ZNF221: variants seen among roughly 807,000 people sequenced by gnomAD.
ZNF221 encodes the protein zinc finger protein 221.
ZNF221 carries 10 observed loss-of-function variants against 12.6 expected under a neutral mutation model. The observed-to-expected ratio is 0.79, with a 90% CI of 0.49 to 1.34. The LOEUF (loss-of-function observed/expected upper bound fraction) is 1.34. Among genes scored for constraint, ZNF221 ranks in the 40% most tolerant of loss-of-function variants. The pLI is 0.00. For missense variants in ZNF221, 661 were observed against 721.4 expected, an observed-to-expected ratio of 0.92 and a Z score of 0.96; for synonymous variants, 232 against 244.0, an observed-to-expected ratio of 0.95 and a Z score of 0.46.
intron 1 of ZNF221, among the ~76,000 whole-genome samples, chr19:43,956,262 C>T (rs964938898): frequency 6.6e-6 from 1 of 152,180 alleles, no homozygotes; most frequent in African/African-American, 2.4e-5. Flanking sequence ...GCATGTCCAA[C>T]TAATATTGCT....
chr19:43,959,711 G>A (rs1400602056), intron 1 of ZNF221, among the ~76,000 whole-genome samples: 1 of 152,192 alleles, frequency 6.6e-6, no homozygotes, highest in Non-Finnish European at 1.5e-5. Flanking sequence ...ACCAGAAGCT[G>A]AGCACATGCC....
rs531517472 is a variant in ZNF221 at position 43,966,638 on chromosome 19, G to T, written c.1136G>T (p.Arg379Leu). The stretch of plus-strand genomic sequence containing the variant: ...TGTGGAAAAGGCTTCATTTGTAGGC[G>T]AGATTTTTGTAAGCATCAGATGGTC... Reference protein sequence around the residue: ...EQCGKGFICRRDFCKHQMVHT... With the variant: ...EQCGKGFICRLDFCKHQMVHT... Residue 379 changes from arginine (R) to leucine (L), a missense_variant, in exon 5 of 5, where the codon CGA (arginine) becomes CTA (leucine). Coordinates refer to ENST00000587682, the MANE Select transcript of ZNF221 (RefSeq NM_001297588.2). The T allele has an allele frequency of 6.2e-7, 1 of 1,613,408 alleles. No individual in the cohort carries two copies. The highest frequency in any genetic ancestry group is 1.3e-5 in the African/African-American group (1 of 74,720).
chr19:43,978,940 T>TGG, the ZNF221 span, among the ~76,000 whole-genome samples: 1 of 130,994 alleles, frequency 7.6e-6, no homozygotes, highest in Admixed American at 7.5e-5. Flanking sequence ...TGTGTTTTTT[T>TGG]TTTTTTTTTT....
At chr19:43,971,130 C>A (rs1599824742), downstream of ZNF221, among the ~76,000 whole-genome samples, 3 of 151,968 alleles carry the variant, frequency 2.0e-5, no homozygotes, top group Admixed American at 2.0e-4. Context: ...TTAAAGAATT[C>A]TTTGCCAGAA....
chr19:43,976,020 A>T, the ZNF221 span, among the ~76,000 whole-genome samples: 1 of 152,130 alleles, frequency 6.6e-6, no homozygotes, highest in Non-Finnish European at 1.5e-5. Flanking sequence ...AGTTTTTTCA[A>T]CAATTTTAAG....
At chr19:43,951,440 C>G (rs1414307737) in intron 1 of ZNF221, 40 bp downstream of exon 1, 1 of 152,270 alleles carries the variant, frequency 6.6e-6, no homozygotes, top group African/African-American at 2.4e-5. Context: ...ATCCCCGCGG[C>G]AGAGCCTTCT....
At chr19:43,980,493 C>T in the ZNF221 span, among the ~76,000 whole-genome samples, 13 of 152,164 alleles carry the variant, frequency 8.5e-5, no homozygotes, top group Non-Finnish European at 1.5e-4. Flanking sequence ...ATCTTGGCAA[C>T]GACTAACTCC....
At chr19:43,955,216 C>T (rs1321845377) in intron 1 of ZNF221, among the ~76,000 whole-genome samples, 1 of 151,916 alleles carries the variant, frequency 6.6e-6, no homozygotes, top group African/African-American at 2.4e-5. Context: ...CTGTAGCCTC[C>T]CAGGGCTACC....
chr19:43,964,624 GCAA>G (rs72001524), intron 2 of ZNF221, among the ~76,000 whole-genome samples: 144,324 of 152,128 alleles, frequency 0.95, 68,924 homozygotes, highest in Middle Eastern at 1. Flanking sequence ...GGGGCAATTG[GCAA>G]CAACACACTA....
chr19:43,967,313 C>A lies in ZNF221; in HGVS notation c.1811C>A (p.Ala604Asp), dbSNP rs748520631. ...GAAGAGATCTACTCAGAATTCACAG[C>A]TTCATTTACATCAGTAAGTCTATGT... The part of the protein sequence containing the change: ...VWEEIYSEFT[A>D]SFTSVSLCGR... The change falls in exon 5 of 5, where the codon GCT (alanine) becomes GAT (aspartate). Residue 604 changes from alanine to aspartate, a missense_variant. Ala to Asp is a moderately radical substitution (Grantham distance 126). Transcript: ENST00000587682. 3 of 1,613,542 alleles carry A rather than the reference C, an allele frequency of 1.9e-6. No homozygotes were observed. The highest frequency in any genetic ancestry group is 2.5e-6 in the Non-Finnish European group (3 of 1,179,818).
chr19:43,960,274 C>T (rs953990305), intron 1 of ZNF221: 2 of 152,174 alleles, frequency 1.3e-5, no homozygotes, highest in African/African-American at 4.8e-5. Flanking sequence ...AAGAAGTGGC[C>T]TGGCTGCCTC....
chr19:43,975,017 GTC>G, the ZNF221 span, among the ~76,000 whole-genome samples: 1 of 149,886 alleles, frequency 6.7e-6, no homozygotes, highest in Non-Finnish European at 1.5e-5. Flanking sequence ...GTGAAACTGT[GTC>G]TCAAAAAAAA....
the ZNF221 span, among the ~76,000 whole-genome samples, chr19:43,979,477 C>T: frequency 2.2e-4 from 33 of 151,132 alleles, 1 homozygote; most frequent in Admixed American, 6.6e-4. Context: ...AGCCCATAAT[C>T]AGTTGGCTTT....
In ZNF221 at chr19:43,965,325, G is replaced by C; in HGVS notation, c.301G>C (p.Gly101Arg). 1.2e-6 allele frequency: 2 copies of C among 1,611,126 alleles called. No individual in the cohort carries two copies. Among genetic ancestry groups the C allele is most frequent in the Middle Eastern group, 1.7e-4 (1 of 6,050 alleles). The stretch of plus-strand genomic sequence containing the variant: ...AACAAGCCAAAGAGAAGGGAATTCA[G>C]GTAAGAACCAAGTAACTGTGCATCC... Reference protein sequence around the residue: ...KTTSQREGNSGGKIQIEMETV... With the variant: ...KTTSQREGNSRGKIQIEMETV... The change falls in exon 4 of 5, where the codon GGA (glycine) becomes CGA (arginine). Residue 101 changes from glycine (G) to arginine (R), a missense_variant and splice_region_variant. By Grantham distance (125) the Gly-to-Arg change is moderately radical (BLOSUM62 -2). Transcript: ENST00000587682.
chr19:43,954,517 T>A (rs1408879776), intron 1 of ZNF221, among the ~76,000 whole-genome samples: 1 of 152,116 alleles, frequency 6.6e-6, no homozygotes, highest in Non-Finnish European at 1.5e-5. Context: ...TCCATTCAGA[T>A]AGGGTAAGGT....
chr19:43,965,370 C>A, intron 4 of ZNF221, 45 bp downstream of exon 4: 2 of 1,532,310 alleles, frequency 1.3e-6, no homozygotes, highest in South Asian at 1.2e-5. Context: ...ACTCTTCCAT[C>A]TGTTTTACTT....
At chr19:43,979,577 G>C in the ZNF221 span, among the ~76,000 whole-genome samples, 2 of 152,084 alleles carry the variant, frequency 1.3e-5, no homozygotes, top group Admixed American at 6.5e-5. Flanking sequence ...TTTGAAAAAA[G>C]AAATTGCACC....
rs767782457 is a variant in ZNF221 at position 43,966,248 on chromosome 19, C to T, written c.746C>T (p.Thr249Ile). 6.2e-6 allele frequency: 10 copies of T among 1,614,214 alleles called. No individual in the cohort carries two copies. In the South Asian group the frequency reaches 1.1e-4, roughly 18 times the overall value. The change falls in exon 5 of 5, where the codon ACT becomes ATT. Residue 249 changes from threonine (T) to isoleucine (I), a missense_variant. Transcript: ENST00000587682. Reference sequence around the variant, plus strand: ...CTGCAAACTCATCAGAGAGTCCATACTGGAGAGAAACCATTCAAATGTGGG... The same window carrying T: ...CTGCAAACTCATCAGAGAGTCCATATTGGAGAGAAACCATTCAAATGTGGG... ...SHLQTHQRVHTGEKPFKCGQC... is the reference protein window; with the variant it reads ...SHLQTHQRVHIGEKPFKCGQC...
chr19:43,970,511 A>G (rs1975074608), downstream of ZNF221, among the ~76,000 whole-genome samples: 1 of 152,192 alleles, frequency 6.6e-6, no homozygotes, highest in Admixed American at 6.5e-5. Context: ...AGAAGCTAAG[A>G]ATCATGATAA....
Sources: allele counts gnomAD v4.1 joint callset (sites outside exome capture counted in the v4.1 genomes callset), GRCh38; gene constraint gnomAD v4.1.1; transcripts MANE v1.5; gene names NCBI Gene and HGNC (gene_info 2026-07-23, HGNC 2026-07-21).